The following PRELID2 variants were observed in gnomAD, a reference collection of about 807,000 sequenced individuals.
PRELID2 encodes the protein PRELI domain containing 2.
PRELID2 carries 25 observed loss-of-function variants against 28.4 expected under a neutral mutation model. The observed-to-expected ratio is 0.88, with a 90% CI of 0.64 to 1.23. The LOEUF (loss-of-function observed/expected upper bound fraction) is 1.23, where lower values mean the gene tolerates loss of function less well. Ranked by LOEUF, PRELID2 falls within the 50% of genes most tolerant of loss-of-function variation. PRELID2 has a pLI of 0.00. For missense variants in PRELID2, 201 were observed against 214.4 expected (o/e 0.94, Z 0.39); for synonymous variants, 76 against 71.6 (o/e 1.06, Z -0.31).
chr5:145,831,664 A>G (rs1755597003), intron 1 of PRELID2, among the ~76,000 whole-genome samples: 1 of 152,246 alleles, frequency 6.6e-6, no homozygotes, highest in South Asian at 2.1e-4. Flanking sequence ...GAAAGGAAGT[A>G]CAGTGACATG....
At chr5:145,546,890 G>A (rs991472538) in intron 1 of PRELID2, among the ~76,000 whole-genome samples, 3 of 152,174 alleles carry the variant, frequency 2.0e-5, no homozygotes, top group Non-Finnish European at 4.4e-5. Context: ...TAGCTTCATG[G>A]TTAAGAGGAC....
At chr5:145,286,414 G>C in the PRELID2 span, among the ~76,000 whole-genome samples, 1 of 151,956 alleles carries the variant, frequency 6.6e-6, no homozygotes. Context: ...TATTTCATTA[G>C]AGCAATATGA....
chr5:145,374,013 G>T, the PRELID2 span, among the ~76,000 whole-genome samples: 3 of 148,614 alleles, frequency 2.0e-5, no homozygotes, highest in South Asian at 2.1e-4. Context: ...GTGTGAATCT[G>T]ATCCTGTCAC....
chr5:145,562,336 G>A (rs373131017), intron 1 of PRELID2, among the ~76,000 whole-genome samples: 3 of 152,118 alleles, frequency 2.0e-5, no homozygotes, highest in Admixed American at 6.5e-5. Context: ...CTCCAGTTTC[G>A]CCTAAAATAC....
At chr5:145,459,236 G>A in the PRELID2 span, among the ~76,000 whole-genome samples, 1 of 152,058 alleles carries the variant, frequency 6.6e-6, no homozygotes, top group Non-Finnish European at 1.5e-5. Flanking sequence ...CTTGTGTCCT[G>A]GAGTCACTAC....
intron 1 of PRELID2, among the ~76,000 whole-genome samples, chr5:145,695,967 T>A (rs138532063): frequency 6.6e-6 from 1 of 152,284 alleles, no homozygotes; most frequent in Non-Finnish European, 1.5e-5. Flanking sequence ...CCTGGCTAGC[T>A]AATTAACTAT....
chr5:145,276,514 T>A, the PRELID2 span, among the ~76,000 whole-genome samples: 3 of 152,130 alleles, frequency 2.0e-5, no homozygotes, highest in Non-Finnish European at 4.4e-5. Context: ...CCAACAAAAT[T>A]CACTATGTAA....
chr5:145,358,644 T>C, the PRELID2 span, among the ~76,000 whole-genome samples: 1 of 152,094 alleles, frequency 6.6e-6, no homozygotes, highest in South Asian at 2.1e-4. Flanking sequence ...GGTCATCTCT[T>C]TAATGTAATG....
At chr5:145,498,394 G>A (rs147731096) in intron 1 of PRELID2, among the ~76,000 whole-genome samples, 31 of 152,238 alleles carry the variant, frequency 2.0e-4, no homozygotes, top group South Asian at 8.3e-4. Flanking sequence ...GCATGGTGGC[G>A]TGCATCTGCA....
rs149201682 is a variant in PRELID2 at position 145,771,229 on chromosome 5, G to A, written c.475-6229C>T. Among the ~76,000 whole-genome samples the A allele has an allele frequency of 4.6e-5, 7 of 152,096 alleles. No homozygotes were observed. In the East Asian group the frequency reaches 1.4e-3, roughly 30 times the overall value. Reference sequence around the variant, plus strand: ...GTGTTACAATTGCCTACAGTATTCAGTACAGTACATGAGTACAGATTTATA... The same window carrying A: ...GTGTTACAATTGCCTACAGTATTCAATACAGTACATGAGTACAGATTTATA... On this transcript the variant is annotated intron_variant, in intron 5 of 6. Coordinates refer to ENST00000683046, the MANE Select transcript of PRELID2 (RefSeq NM_205846.3).
At chr5:145,740,365 T>G (rs2149736035) in intron 1 of PRELID2, among the ~76,000 whole-genome samples, 1 of 127,804 alleles carries the variant, frequency 7.8e-6, no homozygotes, top group South Asian at 2.4e-4. Context: ...GCAAAATATG[T>G]GCAGCAAAAA....
chr5:145,265,983 A>G, the PRELID2 span, among the ~76,000 whole-genome samples: 1 of 152,300 alleles, frequency 6.6e-6, no homozygotes, highest in South Asian at 2.1e-4. Context: ...TTAAACTAAA[A>G]AGCTTCTGCA....
chr5:145,301,633 C>T, the PRELID2 span, among the ~76,000 whole-genome samples: 5 of 152,100 alleles, frequency 3.3e-5, no homozygotes, highest in Non-Finnish European at 5.9e-5. Flanking sequence ...GCTTTGTATT[C>T]TTAGCTCTTA....
At chr5:145,411,973 G>A in the PRELID2 span, among the ~76,000 whole-genome samples, 1 of 152,182 alleles carries the variant, frequency 6.6e-6, no homozygotes, top group African/African-American at 2.4e-5. Flanking sequence ...CATAGCTGGA[G>A]CAGCTGGGAT....
the PRELID2 span, among the ~76,000 whole-genome samples, chr5:145,302,825 G>A: frequency 6.6e-6 from 1 of 152,048 alleles, no homozygotes; most frequent in African/African-American, 2.4e-5. Flanking sequence ...AGTAACAGTA[G>A]TAAAGGTTCT....
chr5:145,415,019 C>T, the PRELID2 span, among the ~76,000 whole-genome samples: 1 of 152,138 alleles, frequency 6.6e-6, no homozygotes, highest in Non-Finnish European at 1.5e-5. Flanking sequence ...TAGAACTCTC[C>T]ACCCCAAAAT....
intron 1 of PRELID2, among the ~76,000 whole-genome samples, chr5:145,588,795 G>A (rs1432973321): frequency 6.6e-6 from 1 of 151,814 alleles, no homozygotes; most frequent in Admixed American, 6.6e-5. Flanking sequence ...AGCACCAGCA[G>A]CAGCCAGGTT....
chr5:145,383,396 G>A, the PRELID2 span, among the ~76,000 whole-genome samples: 1 of 150,476 alleles, frequency 6.6e-6, no homozygotes, highest in African/African-American at 2.4e-5. Flanking sequence ...GTGGATGTGT[G>A]TGTGTGTGTG....
chr5:145,525,366 G>A (rs2126654964), intron 1 of PRELID2, among the ~76,000 whole-genome samples: 1 of 152,292 alleles, frequency 6.6e-6, no homozygotes, highest in South Asian at 2.1e-4. Flanking sequence ...ACACACCCTT[G>A]TTCTCCAAGA....
Sources: allele counts gnomAD v4.1 joint callset (sites outside exome capture counted in the v4.1 genomes callset), GRCh38; gene constraint gnomAD v4.1.1; transcripts MANE v1.5; gene names NCBI Gene and HGNC (gene_info 2026-07-23, HGNC 2026-07-21).